ZUP1: variants seen among roughly 807,000 people sequenced by gnomAD.
ZUP1 encodes the protein zinc finger-containing ubiquitin peptidase 1.
Under a neutral mutation model 68.1 loss-of-function variants are expected in ZUP1, and 55 were observed. The observed-to-expected ratio is 0.81, with a 90% CI of 0.65 to 1.01. The LOEUF (loss-of-function observed/expected upper bound fraction) is 1.01, where lower values mean the gene tolerates loss of function less well. Ranked by LOEUF, ZUP1 falls within the 50% of genes least tolerant of loss-of-function variation. The pLI is 0.00. For missense variants in ZUP1, 684 were observed against 674.9 expected, an observed-to-expected ratio of 1.01 and a Z score of -0.15; for synonymous variants, 223 against 221.5, an observed-to-expected ratio of 1.01 and a Z score of -0.06.
intron 9 of ZUP1, among the ~76,000 whole-genome samples, chr6:116,640,492 A>G (rs7755525): frequency 0.36 from 54,564 of 150,984 alleles, 10,481 homozygotes; most frequent in African/African-American, 0.5. Flanking sequence ...CGGATCTCTC[A>G]GCAGAAACTC....
chr6:116,652,081 C>G lies in ZUP1; in HGVS notation c.1073G>C (p.Trp358Ser). The change falls in exon 6 of 10, where the codon TGG (tryptophan) becomes TCG (serine). Residue 358 changes from tryptophan to serine, a missense_variant. Transcript: ENST00000368576. The part of the protein sequence containing the change: ...HFHSSLGDKG[W>S]GCGYRNFQML... ...TTGGAAATTTCTGTAACCACAACCCCAACCTTTGTCGCCTAAAGATGAATG... is the reference window on the plus strand; with the variant it reads ...TTGGAAATTTCTGTAACCACAACCCGAACCTTTGTCGCCTAAAGATGAATG... 1 of 1,613,930 alleles carries G rather than the reference C, an allele frequency of 6.2e-7. No homozygotes were observed.
chr6:116,644,683 C>A (rs1776232247), intron 9 of ZUP1, among the ~76,000 whole-genome samples: 1 of 144,256 alleles, frequency 6.9e-6, no homozygotes, highest in Admixed American at 7.0e-5. Flanking sequence ...ACTCTGGGGA[C>A]TGTTGTGGGG....
chr6:116,660,904 CTTTTT>C, intron 2 of ZUP1, 58 bp from the exon 3 acceptor site: 4 of 815,210 alleles, frequency 4.9e-6, no homozygotes, highest in South Asian at 3.8e-5. Context: ...TTTTTCTTTG[CTTTTT>C]TTTTTTTTGA....
At chr6:116,663,875 A>T (rs1321169973) in intron 2 of ZUP1, among the ~76,000 whole-genome samples, 1 of 152,088 alleles carries the variant, frequency 6.6e-6, no homozygotes, top group East Asian at 1.9e-4. Context: ...TGAGCCCAGG[A>T]GATCAAGGCT....
intron 6 of ZUP1, 94 bp downstream of exon 6, chr6:116,651,910 C>A: frequency 7.0e-7 from 1 of 1,428,674 alleles, no homozygotes; most frequent in Non-Finnish European, 9.5e-7. Flanking sequence ...TAAATATCCA[C>A]TAACTGTTAA....
chr6:116,639,539 C>T (rs1084882), intron 9 of ZUP1, among the ~76,000 whole-genome samples: 32,160 of 152,048 alleles, frequency 0.21, 3,709 homozygotes, highest in Non-Finnish European at 0.27. Flanking sequence ...CACGAAAATC[C>T]GCTGTTCTGC....
intron 7 of ZUP1, among the ~76,000 whole-genome samples, chr6:116,650,052 G>C (rs1241730462): frequency 6.6e-6 from 1 of 152,126 alleles, no homozygotes; most frequent in African/African-American, 2.4e-5. Context: ...TACAGTAATT[G>C]GGGGATAAAG....
chr6:116,650,487 A>AG (rs1250731796), intron 7 of ZUP1, among the ~76,000 whole-genome samples: 1 of 152,064 alleles, frequency 6.6e-6, no homozygotes, highest in African/African-American at 2.4e-5. Context: ...CACAAAGAAA[A>AG]CAGAGACATT....
chr6:116,643,518 C>T (rs1776189820), intron 9 of ZUP1, among the ~76,000 whole-genome samples: 1 of 152,126 alleles, frequency 6.6e-6, no homozygotes, highest in African/African-American at 2.4e-5. Flanking sequence ...GATCAGAGCC[C>T]TCAGAAATAA....
At chr6:116,659,053 G>A (rs1410085017) in intron 3 of ZUP1, 129 bp from the exon 4 acceptor site, 2 of 811,676 alleles carry the variant, frequency 2.5e-6, no homozygotes, top group Non-Finnish European at 3.6e-6. Flanking sequence ...TGATGATATG[G>A]AACTGAGTAC....
At chr6:116,651,486 ACTAT>A in intron 7 of ZUP1, 82 bp downstream of exon 7, 1 of 1,179,580 alleles carries the variant, frequency 8.5e-7, no homozygotes, top group Non-Finnish European at 1.2e-6. Flanking sequence ...TTATTTTTAA[ACTAT>A]CTCTTTGCTA....
chr6:116,656,175 G>C (rs1482395915), intron 5 of ZUP1, among the ~76,000 whole-genome samples: 1 of 152,044 alleles, frequency 6.6e-6, no homozygotes, highest in Non-Finnish European at 1.5e-5. Context: ...CGCCTCCCGG[G>C]TTCAAGCGAT....
At chr6:116,658,455 C>G (rs557218212) in intron 4 of ZUP1, among the ~76,000 whole-genome samples, 146 of 152,186 alleles carry the variant, frequency 9.6e-4, no homozygotes, top group African/African-American at 3.4e-3. Context: ...CTAATTTGTC[C>G]CATCAACTTA....
chr6:116,667,407 A>G (rs1203253027), intron 1 of ZUP1, among the ~76,000 whole-genome samples, 200 bp from the exon 2 acceptor site: 3 of 152,188 alleles, frequency 2.0e-5, no homozygotes, highest in Non-Finnish European at 2.9e-5. Flanking sequence ...AAAAAAGGCA[A>G]TAATAATGAA....
In ZUP1 at chr6:116,635,790, AG is replaced by A; in HGVS notation, c.*41del. The A allele has an allele frequency of 2.6e-6, 4 of 1,520,430 alleles. No homozygotes were observed. Among genetic ancestry groups the A allele is most frequent in the Non-Finnish European group, 3.6e-6 (4 of 1,116,572 alleles). The allele number at this position is 1,520,430 out of a possible 1,614,324, so 94.2% of individuals were successfully genotyped here. On this transcript the variant is annotated 3_prime_UTR_variant, in exon 10 of 10. Coordinates refer to ENST00000368576, the MANE Select transcript of ZUP1 (RefSeq NM_145062.3). ...TTCAATATCTACATTTAGAAAACAA[AG>A]TATTGTTCTCAATCACTGAAATGCT... is the stretch of plus-strand genomic sequence containing the variant.
chr6:116,653,184 T>A (rs1228629737), intron 5 of ZUP1, among the ~76,000 whole-genome samples: 1 of 152,074 alleles, frequency 6.6e-6, no homozygotes, highest in African/African-American at 2.4e-5. Flanking sequence ...ATTCTCCTTA[T>A]GTTTCAAAAT....
At chr6:116,664,156 C>T (rs977051039) in intron 2 of ZUP1, among the ~76,000 whole-genome samples, 4 of 152,138 alleles carry the variant, frequency 2.6e-5, no homozygotes, top group East Asian at 1.9e-4. Context: ...CAAGCCTGGG[C>T]GCGGTGGCTT....
chr6:116,657,819 G>A (rs187183634), intron 4 of ZUP1, among the ~76,000 whole-genome samples: 4 of 152,288 alleles, frequency 2.6e-5, no homozygotes, highest in Non-Finnish European at 4.4e-5. Flanking sequence ...GGCCAGGCAC[G>A]GTGGCTCATG....
chr6:116,657,366 A>C (rs1367131758), intron 4 of ZUP1, among the ~76,000 whole-genome samples: 1 of 152,210 alleles, frequency 6.6e-6, no homozygotes, highest in Non-Finnish European at 1.5e-5. Flanking sequence ...GTTTTCACGG[A>C]AACTTTTCTA....
Sources: gnomAD v4.1 joint callset for allele counts (sites outside exome capture counted in the v4.1 genomes callset) on GRCh38, gnomAD v4.1.1 for gene constraint, MANE v1.5 for transcripts, NCBI Gene and HGNC (gene_info 2026-07-23, HGNC 2026-07-21) for gene names.